Variants in WDR1 observed in about 807,000 individuals in gnomAD.
The protein encoded by WDR1 is WD repeat domain 1.
WDR1 carries 21 observed loss-of-function variants against 71.9 expected under a neutral mutation model. That is an observed-to-expected ratio of 0.29 (90% confidence interval 0.21 to 0.42). WDR1 has a LOEUF of 0.42. Ranked by LOEUF, WDR1 falls within the 10% of genes least tolerant of loss-of-function variation. The probability of loss-of-function intolerance (pLI) is 1.00; values close to 1 mark genes in which losing one functional copy is unlikely to be tolerated. For synonymous variants in WDR1, 424 were observed against 347.4 expected (o/e 1.22, Z -2.45); for missense variants, 696 against 824.5 (o/e 0.84, Z 1.91).
At chr4:10,105,768 T>C (rs760915206) in intron 2 of WDR1, among the ~76,000 whole-genome samples, 2 of 152,202 alleles carry the variant, frequency 1.3e-5, no homozygotes, top group African/African-American at 4.8e-5. Context: ...ACCCCACTCC[T>C]AGGTATCTGC....
At chr4:10,077,097 A>G (rs959330249) in intron 14 of WDR1, 24 of 682,334 alleles carry the variant, frequency 3.5e-5, no homozygotes, top group South Asian at 1.8e-4. Context: ...TGTCCTGTGC[A>G]TGGGGCCCCC....
intron 2 of WDR1, among the ~76,000 whole-genome samples, chr4:10,114,417 C>G (rs966261747): frequency 6.6e-6 from 1 of 152,198 alleles, no homozygotes; most frequent in African/African-American, 2.4e-5. Context: ...TCTGACTCCT[C>G]TTTAGAGTAA....
intron 5 of WDR1, chr4:10,093,095 C>G (rs1327986313): frequency 7.8e-7 from 1 of 1,289,506 alleles, no homozygotes; most frequent in Admixed American, 2.3e-5. Flanking sequence ...GTACCACACC[C>G]ATGTCAACAT....
chr4:10,079,356 C>T (rs1351760937), intron 11 of WDR1, among the ~76,000 whole-genome samples: 1 of 152,266 alleles, frequency 6.6e-6, no homozygotes, highest in Non-Finnish European at 1.5e-5. Flanking sequence ...ACAAAAACAG[C>T]GACAGCCCCT....
At chr4:10,112,684 G>A (rs996910080) in intron 2 of WDR1, among the ~76,000 whole-genome samples, 4 of 151,178 alleles carry the variant, frequency 2.6e-5, no homozygotes, top group Middle Eastern at 6.9e-3. Flanking sequence ...ATTTAGGTCC[G>A]GCAATCTACA....
At chr4:10,112,234 A>T (rs940133839) in intron 2 of WDR1, among the ~76,000 whole-genome samples, 1 of 152,130 alleles carries the variant, frequency 6.6e-6, no homozygotes, top group Non-Finnish European at 1.5e-5. Flanking sequence ...GGCAGAGGTG[A>T]TGCAGGCAGG....
At chr4:10,094,270 C>T (rs375852313) in intron 5 of WDR1, among the ~76,000 whole-genome samples, 1 of 152,330 alleles carries the variant, frequency 6.6e-6, no homozygotes. Flanking sequence ...AGGACATGCA[C>T]ACAGCTGTGA....
In WDR1 at chr4:10,077,909, C is replaced by T. The variant is rs1249883242; in HGVS notation, c.1413G>A (p.Leu471=). The change falls in exon 13 of 15, where the codon CTG becomes CTA. Residue 471 remains leucine (L), a synonymous_variant. Transcript: ENST00000499869. ...TCAGCGTGGTGCCCAGGATGGAATA[C>T]AGGCGGACGTTGCCGTCCTACGGCA... ...AIGGVDGNVR[L]YSILGTTLKD... is the part of the protein sequence containing the mutation. 2 of 1,608,046 alleles carry T rather than the reference C, an allele frequency of 1.2e-6. No homozygotes were observed. The highest frequency in any genetic ancestry group is 1.3e-5 in the African/African-American group (1 of 74,812).
rs1359605444 is a variant in WDR1 at position 10,074,422 on chromosome 4, G to T, written c.*956C>A. On this transcript the variant is annotated 3_prime_UTR_variant, in exon 15 of 15. Coordinates refer to ENST00000499869, the MANE Select transcript of WDR1 (RefSeq NM_017491.5). ...TTTCACAAGTGCAAGGGGAGGGATT[G>T]TTCTCAGCCAACATTTACCAGTGAT... The T allele has an allele frequency of 6.6e-6, 1 of 152,594 alleles. No homozygotes were observed. Among genetic ancestry groups the T allele is most frequent in the Non-Finnish European group, 1.5e-5 (1 of 68,034 alleles). 9.5% of individuals were successfully genotyped at this position (152,594 alleles called of 1,614,324 possible). A position where few individuals can be genotyped will look rare whatever the true frequency, so the allele number is the denominator to read the frequency against.
At chr4:10,097,608 G>A (rs1364998380) in intron 5 of WDR1, 103 bp downstream of exon 5, 17 of 1,345,320 alleles carry the variant, frequency 1.3e-5, no homozygotes, top group South Asian at 2.8e-5. Context: ...CATGGCATAC[G>A]TGGCATGTGC....
chr4:10,115,962 G>A (rs1360929314), intron 2 of WDR1, 151 bp downstream of exon 2: 2 of 1,048,592 alleles, frequency 1.9e-6, no homozygotes, highest in East Asian at 2.7e-5. Context: ...CGGCTTCCGG[G>A]GCTCCGAGGT....
chr4:10,096,633 C>G (rs549620973), intron 5 of WDR1: 1 of 152,296 alleles, frequency 6.6e-6, no homozygotes, highest in African/African-American at 2.4e-5. Context: ...ATTCTGCTCA[C>G]TTTGTGGGTC....
intron 10 of WDR1, 101 bp from the exon 11 acceptor site, chr4:10,081,545 G>A: frequency 9.2e-7 from 1 of 1,088,770 alleles, no homozygotes; most frequent in South Asian, 1.3e-5. Flanking sequence ...TCCTTAGAAG[G>A]CAATTCTATT....
At position 10,092,997 on chromosome 4, in the gene WDR1, C is replaced by T. The variant is rs536438041; in HGVS notation, c.559-4256G>A. On this transcript the variant is annotated intron_variant, in intron 5 of 14. Transcript: ENST00000499869. Reference sequence around the variant, plus strand: ...AGACTGACCTGTATCAACGAGCCCCCCTCCCCACAGTCCTCACTCCCTCCC... The same window carrying T: ...AGACTGACCTGTATCAACGAGCCCCTCTCCCCACAGTCCTCACTCCCTCCC... The T allele has an allele frequency of 4.9e-6, 6 of 1,217,800 alleles. No individual in the cohort carries two copies. In the South Asian group the frequency reaches 6.3e-5, roughly 13 times the overall value. 75.4% of individuals were successfully genotyped at this position (1,217,800 alleles called of 1,614,324 possible). A position where few individuals can be genotyped will look rare whatever the true frequency, so the allele number is the denominator to read the frequency against.
At chr4:10,079,057 C>A in intron 11 of WDR1, 56 bp from the exon 12 acceptor site, 2 of 1,443,562 alleles carry the variant, frequency 1.4e-6, no homozygotes, top group African/African-American at 1.4e-5. Flanking sequence ...ACAAAACCCT[C>A]AGTGGTAGGA....
chr4:10,078,267 C>T (rs547311150), intron 12 of WDR1, among the ~76,000 whole-genome samples: 64 of 152,310 alleles, frequency 4.2e-4, no homozygotes, highest in African/African-American at 1.3e-3. Context: ...GGCACTGCCA[C>T]GCCTGCTGCA....
At chr4:10,101,189 C>T (rs1232078936) in intron 3 of WDR1, among the ~76,000 whole-genome samples, 6 of 152,196 alleles carry the variant, frequency 3.9e-5, no homozygotes, top group Non-Finnish European at 7.3e-5. Flanking sequence ...CCCGAAATGA[C>T]CTGTGCACTG....
intron 1 of WDR1, 166 bp from the exon 2 acceptor site, chr4:10,116,400 G>T: frequency 9.1e-7 from 1 of 1,096,034 alleles, no homozygotes; most frequent in Non-Finnish European, 1.3e-6. Context: ...TTCCTGGTCC[G>T]CGCCCCGGGC....
At chr4:10,112,791 A>T (rs949878892) in intron 2 of WDR1, among the ~76,000 whole-genome samples, 1 of 152,176 alleles carries the variant, frequency 6.6e-6, no homozygotes, top group African/African-American at 2.4e-5. Flanking sequence ...TTAATCAATG[A>T]GTAACTCACT....
Sources: allele counts gnomAD v4.1 joint callset (sites outside exome capture counted in the v4.1 genomes callset), GRCh38; gene constraint gnomAD v4.1.1; transcripts MANE v1.5; gene names NCBI Gene and HGNC (gene_info 2026-07-23, HGNC 2026-07-21).